TPST1: variants seen among roughly 807,000 people sequenced by gnomAD.
The protein encoded by TPST1 is tyrosylprotein sulfotransferase 1.
Under a neutral mutation model 34.8 loss-of-function variants are expected in TPST1, and 20 were observed. That is an observed-to-expected ratio of 0.57 (90% CI 0.40 to 0.84). TPST1 has a LOEUF of 0.84. Ranked by LOEUF, TPST1 falls within the 40% of genes least tolerant of loss-of-function variation. TPST1 has a pLI of 0.00. For missense variants in TPST1, 353 were observed against 455.5 expected, an observed-to-expected ratio of 0.78 and a Z score of 2.05; for synonymous variants, 152 against 159.4, an observed-to-expected ratio of 0.95 and a Z score of 0.35.
intron 1 of TPST1, among the ~76,000 whole-genome samples, chr7:66,230,925 G>T (rs762087977): frequency 6.6e-6 from 1 of 152,124 alleles, no homozygotes; most frequent in Non-Finnish European, 1.5e-5. Flanking sequence ...ACAGTGTATC[G>T]ACACAAAGGT....
intron 3 of TPST1, among the ~76,000 whole-genome samples, chr7:66,338,760 AAAATGG>A (rs1479505523): frequency 1.3e-5 from 2 of 152,154 alleles, no homozygotes; most frequent in African/African-American, 4.8e-5. Flanking sequence ...GAGACAAATG[AAAATGG>A]AAACAAAATA....
At chr7:66,341,368 T>A (rs1212731807) in intron 3 of TPST1, among the ~76,000 whole-genome samples, 1 of 152,188 alleles carries the variant, frequency 6.6e-6, no homozygotes, top group Non-Finnish European at 1.5e-5. Context: ...AACCTCCGCC[T>A]CCTGGGTTCA....
chr7:66,335,599 G>A (rs1407561621), intron 3 of TPST1, among the ~76,000 whole-genome samples: 1 of 152,168 alleles, frequency 6.6e-6, no homozygotes, highest in African/African-American at 2.4e-5. Flanking sequence ...TCCTGTCTGT[G>A]AAACAATGTC....
upstream of TPST1, among the ~76,000 whole-genome samples, chr7:66,204,827 G>A (rs560003428): frequency 5.2e-4 from 79 of 152,378 alleles, no homozygotes; most frequent in African/African-American, 1.8e-3. Context: ...TTCGTTATTT[G>A]CATTTGCGCG....
At chr7:66,208,899 C>T (rs1789187312) in intron 1 of TPST1, among the ~76,000 whole-genome samples, 1 of 152,184 alleles carries the variant, frequency 6.6e-6, no homozygotes, top group Non-Finnish European at 1.5e-5. Context: ...GTACATAGTG[C>T]TCAGTAAACT....
intron 3 of TPST1, among the ~76,000 whole-genome samples, chr7:66,292,988 C>G (rs1026892478): frequency 6.6e-6 from 1 of 152,084 alleles, no homozygotes; most frequent in African/African-American, 2.4e-5. Flanking sequence ...GGGTGGATCA[C>G]AAGGTCAGGA....
intron 3 of TPST1, among the ~76,000 whole-genome samples, chr7:66,343,309 AC>A (rs1224106337): frequency 6.6e-6 from 1 of 152,198 alleles, no homozygotes; most frequent in East Asian, 1.9e-4. Context: ...GAAACAAAAA[AC>A]CAAAAACTAC....
intron 3 of TPST1, among the ~76,000 whole-genome samples, chr7:66,313,546 C>T (rs1162348358): frequency 6.6e-6 from 1 of 152,160 alleles, no homozygotes; most frequent in African/African-American, 2.4e-5. Flanking sequence ...TTTGAACTCC[C>T]TGCAGTAATA....
chr7:66,237,563 A>G lies in TPST1; in HGVS notation c.-101-2762A>G, dbSNP rs1789935609. On this transcript the variant is annotated intron_variant, in intron 1 of 5. Coordinates refer to ENST00000304842, the MANE Select transcript of TPST1 (RefSeq NM_003596.4). Reference sequence around the variant, plus strand: ...ATTTACTGTATCCTTAGGGTTCTCCAGAAAAACAAAACCAAACCCCTGTGT... The same window carrying G: ...ATTTACTGTATCCTTAGGGTTCTCCGGAAAAACAAAACCAAACCCCTGTGT... Among the ~76,000 whole-genome samples the G allele has an allele frequency of 2.0e-5, 3 of 152,198 alleles. No individual in the cohort carries two copies. The South Asian group carries it at 6.2e-4, about 31-fold the overall frequency.
At chr7:66,228,616 A>G (rs967819285) in intron 1 of TPST1, among the ~76,000 whole-genome samples, 5 of 152,170 alleles carry the variant, frequency 3.3e-5, no homozygotes, top group African/African-American at 1.2e-4. Context: ...ATCCATAAGA[A>G]CACTTCTCTT....
chr7:66,308,140 A>G (rs899718567), intron 3 of TPST1, among the ~76,000 whole-genome samples: 2 of 152,190 alleles, frequency 1.3e-5, no homozygotes, highest in Non-Finnish European at 2.9e-5. Context: ...TGAGCAGCCT[A>G]AGCGACTTGG....
intron 1 of TPST1, among the ~76,000 whole-genome samples, chr7:66,240,038 T>A (rs1789994064): frequency 6.6e-6 from 1 of 151,896 alleles, no homozygotes; most frequent in Non-Finnish European, 1.5e-5. Flanking sequence ...CCCGCCACCA[T>A]GCCCAGCTAA....
At chr7:66,237,133 C>T (rs1045530495) in intron 1 of TPST1, among the ~76,000 whole-genome samples, 1 of 152,182 alleles carries the variant, frequency 6.6e-6, no homozygotes, top group Admixed American at 6.5e-5. Flanking sequence ...CCCTCTCACT[C>T]GCCTCCCACC....
chr7:66,355,501 CA>C (rs534167392), intron 4 of TPST1, among the ~76,000 whole-genome samples: 61 of 150,936 alleles, frequency 4.0e-4, no homozygotes, highest in Middle Eastern at 3.4e-3. Context: ...AACAAACAAA[CA>C]AAAAACTCAT....
At chr7:66,267,511 C>T (rs1368627875) in intron 2 of TPST1, among the ~76,000 whole-genome samples, 1 of 151,874 alleles carries the variant, frequency 6.6e-6, no homozygotes, top group Non-Finnish European at 1.5e-5. Flanking sequence ...GATGTTGCTA[C>T]ACAGAGAGAA....
intron 2 of TPST1, among the ~76,000 whole-genome samples, chr7:66,259,126 T>G (rs975532069): frequency 1.3e-4 from 20 of 152,288 alleles, no homozygotes; most frequent in Admixed American, 1.1e-3. Context: ...TGTATTTTGT[T>G]TTTATTACTG....
intron 3 of TPST1, among the ~76,000 whole-genome samples, chr7:66,295,924 A>T (rs1475075825): frequency 6.6e-6 from 1 of 152,028 alleles, no homozygotes; most frequent in East Asian, 1.9e-4. Context: ...TACATGAGCC[A>T]CTCTTTAAAG....
At chr7:66,249,957 G>T (rs1482881405) in intron 2 of TPST1, among the ~76,000 whole-genome samples, 1 of 152,162 alleles carries the variant, frequency 6.6e-6, no homozygotes, top group African/African-American at 2.4e-5. Context: ...TGAGACACTT[G>T]GCAAATGGAA....
rs1791480397 is a variant in TPST1, at chr7:66,309,094, C to T, written c.1044+22385C>T. 2.0e-5 allele frequency among the ~76,000 whole-genome samples: 3 copies of T among 152,290 alleles called. No individual in the cohort carries two copies. In the South Asian group the frequency reaches 6.2e-4, roughly 32 times the overall value. On this transcript the variant is annotated intron_variant, in intron 3 of 5. Transcript: ENST00000304842. The stretch of plus-strand genomic sequence containing the variant: ...TGTATTTTTAGTAGAGACAGGGTTT[C>T]ACCATGTTGGTCAGGCTGGTCTTGG...
Sources: gnomAD v4.1 joint callset for allele counts (sites outside exome capture counted in the v4.1 genomes callset) on GRCh38, gnomAD v4.1.1 for gene constraint, MANE v1.5 for transcripts, NCBI Gene and HGNC (gene_info 2026-07-23, HGNC 2026-07-21) for gene names.